The following CIC variants were observed in gnomAD, a reference collection of about 807,000 sequenced individuals.
CIC encodes capicua transcriptional repressor, also known as protein capicua homolog.
A neutral mutation model predicts 115.7 loss-of-function variants in CIC; 18 were observed. That is an observed-to-expected ratio of 0.16 (90% CI 0.11 to 0.23). The LOEUF is 0.23. Among genes scored for constraint, CIC ranks in the 10% least tolerant of loss-of-function variants. The pLI is 1.00. For synonymous variants in CIC, 1,076 were observed against 923.0 expected (o/e 1.17, Z -3.01); for missense variants, 2,000 against 2,159.3 (o/e 0.93, Z 1.46).
intron 2 of CIC, among the ~76,000 whole-genome samples, chr19:42,285,726 C>A (rs1038210767): frequency 3.9e-5 from 6 of 152,190 alleles, no homozygotes; most frequent in Middle Eastern, 3.2e-3. Flanking sequence ...GGTTCCACTT[C>A]CCCCAGGGAG....
intron 2 of CIC, among the ~76,000 whole-genome samples, chr19:42,285,854 G>A (rs1306066184): frequency 6.6e-6 from 1 of 152,226 alleles, no homozygotes; most frequent in Non-Finnish European, 1.5e-5. Flanking sequence ...GCTGAAGGTT[G>A]GACCCCTGGG....
At position 42,293,119 on chromosome 19, in the gene CIC, C is replaced by T; in HGVS notation, c.6360C>T (p.Gly2120=). Residue 2120 remains glycine (G), a synonymous_variant, in exon 16 of 21, where the codon GGC becomes GGT. Coordinates refer to ENST00000681038, the MANE Select transcript of CIC (RefSeq NM_001386298.1). ...CACCCCGGCAGCCTCTGGAGCCTGG[C>T]CCAGTCCGAGAGCCAACTGCCCCAG... The part of the protein sequence containing the change: ...GPAPRQPLEP[G]PVREPTAPES... 6.2e-7 allele frequency: 1 copy of T among 1,608,374 alleles called. No individual in the cohort carries two copies. Among genetic ancestry groups the T allele is most frequent in the Non-Finnish European group, 8.5e-7 (1 of 1,178,084 alleles).
intron 2 of CIC, among the ~76,000 whole-genome samples, chr19:42,279,248 A>G (rs1249368194): frequency 2.6e-5 from 4 of 152,130 alleles, no homozygotes; most frequent in Non-Finnish European, 5.9e-5. Context: ...AGTGAACCCT[A>G]TCTCCACCAG....
At chr19:42,271,191 A>G (rs1195341317) in intron 1 of CIC, among the ~76,000 whole-genome samples, 2 of 152,214 alleles carry the variant, frequency 1.3e-5, no homozygotes, top group African/African-American at 4.8e-5. Context: ...GCATGGTGAC[A>G]GTGCGAGTAA....
Position 42,294,981 on chromosome 19 carries a change from C to A in CIC, c.7344C>A (p.Pro2448=), listed in dbSNP as rs750816477. 3.8e-6 allele frequency: 6 copies of A among 1,599,352 alleles called. No homozygotes were observed. Among genetic ancestry groups the A allele is most frequent in the Non-Finnish European group, 5.1e-6 (6 of 1,179,614 alleles). Residue 2448 remains proline, a synonymous_variant, in exon 21 of 21, where the codon CCC becomes CCA. Transcript: ENST00000681038. ...PGAEAPLPVP[P]PTGTAAAPAP... is the part of the protein sequence containing the mutation. ...CTGAGGCTCCTCTCCCTGTACCGCC[C>A]CCCACTGGCACCGCTGCTGCCCCTG... is the stretch of plus-strand genomic sequence containing the variant.
chr19:42,290,718 C>T lies in CIC; in HGVS notation c.4677C>T (p.Ala1559=), dbSNP rs546141825. The change falls in exon 11 of 21, where the codon GCC becomes GCT. Residue 1559 remains alanine, a synonymous_variant. Coordinates refer to ENST00000681038, the MANE Select transcript of CIC (RefSeq NM_001386298.1). ...GCGGCGGAGCCAGAGTGCCCTCCGCCCCCGCCCCATCACTGGCCTATGGGG... is the reference window on the plus strand; with the variant it reads ...GCGGCGGAGCCAGAGTGCCCTCCGCTCCCGCCCCATCACTGGCCTATGGGG... ...QEGGGARVPS[A]PAPSLAYGAP... is the part of the protein sequence containing the mutation. 7 of 1,612,632 alleles carry T rather than the reference C, an allele frequency of 4.3e-6. No individual in the cohort carries two copies. The African/African-American group carries it at 8.0e-5, about 18-fold the overall frequency.
intron 2 of CIC, among the ~76,000 whole-genome samples, chr19:42,281,149 T>G (rs1599868389): frequency 2.1e-5 from 3 of 140,334 alleles, no homozygotes; most frequent in African/African-American, 5.2e-5. Flanking sequence ...GGTGGGTGGG[T>G]GTGTATGTGG....
chr19:42,291,906 G>T (rs1446727510), intron 12 of CIC, among the ~76,000 whole-genome samples, 161 bp downstream of exon 12: 12 of 152,084 alleles, frequency 7.9e-5, no homozygotes, highest in Admixed American at 7.2e-4. Context: ...CAAGTCCTCA[G>T]TGTCTGTACC....
At chr19:42,294,400 A>G (rs1172122841) in intron 19 of CIC, 96 bp downstream of exon 19, 1 of 1,586,722 alleles carries the variant, frequency 6.3e-7, no homozygotes, top group Non-Finnish European at 8.6e-7. Flanking sequence ...GGGTGGGTCC[A>G]TCCAGGCTGG....
intron 2 of CIC, among the ~76,000 whole-genome samples, chr19:42,285,173 G>C (rs1047367867): frequency 1.1e-4 from 16 of 152,122 alleles, no homozygotes; most frequent in Non-Finnish European, 1.9e-4. Context: ...TGAGATCAGA[G>C]TGACAGGCTG....
intron 16 of CIC, 36 bp from the exon 17 acceptor site, chr19:42,293,555 TC>T (rs766354481): frequency 6.2e-7 from 1 of 1,613,460 alleles, no homozygotes; most frequent in South Asian, 1.1e-5. Flanking sequence ...GAGTCTGAGC[TC>T]AGTGTTCGCC....
At chr19:42,271,523 C>G (rs1203745070) in intron 1 of CIC, among the ~76,000 whole-genome samples, 1 of 152,178 alleles carries the variant, frequency 6.6e-6, no homozygotes, top group African/African-American at 2.4e-5. Context: ...AGCATGTGCT[C>G]TGTGTCCTTT....
In CIC at chr19:42,273,938, T is replaced by C. The variant is rs983424322; in HGVS notation, c.2155T>C (p.Leu719=). 2.5e-6 allele frequency: 1 copy of C among 398,516 alleles called. No individual in the cohort carries two copies. The highest frequency in any genetic ancestry group is 4.4e-6 in the Non-Finnish European group (1 of 226,088). The allele number at this position is 398,516 out of a possible 1,614,324, so 24.7% of individuals were successfully genotyped here. ...ISPGRRKTEL[L]PHPGALGAPG... ...CCCTGGGCGACGGAAGACAGAGCTG[T>C]TGCCGCATCCAGGGGCCTTGGGGGC... is the stretch of plus-strand genomic sequence containing the variant. The change falls in exon 2 of 21, where the codon TTG becomes CTG. Residue 719 remains leucine (L), a synonymous_variant. Transcript: ENST00000681038.
intron 2 of CIC, chr19:42,283,917 G>GGCGCGGCGGGGCCTGACCCGC (rs909095298): frequency 1.3e-5 from 2 of 151,342 alleles, no homozygotes; most frequent in Non-Finnish European, 3.0e-5. Context: ...AATGGGGGCG[G>GGCGCGGCGGGGCCTGACCCGC]GCGCGGCGGG....
Position 42,292,986 on chromosome 19 carries a change from C to T in CIC, c.6227C>T (p.Pro2076Leu), listed in dbSNP as rs1305573678. 3 of 1,613,606 alleles carry T rather than the reference C, an allele frequency of 1.9e-6. No homozygotes were observed. Among genetic ancestry groups the T allele is most frequent in the Non-Finnish European group, 2.5e-6 (3 of 1,180,016 alleles). The change falls in exon 16 of 21, where the codon CCC (proline) becomes CTC (leucine). Residue 2076 changes from proline (P) to leucine (L), a missense_variant. By Grantham distance (98) the Pro-to-Leu change is moderately conservative. Coordinates refer to ENST00000681038, the MANE Select transcript of CIC (RefSeq NM_001386298.1). Reference protein sequence around the residue: ...AGSMTYSLVAPKAQRPSPKAP... With the variant: ...AGSMTYSLVALKAQRPSPKAP... ...TCCATGACCTACAGCTTAGTGGCCC[C>T]CAAGGCCCAGCGGCCCAGCCCGAAG...
chr19:42,269,271 T>TA lies in CIC; in HGVS notation c.-111dup, dbSNP rs919948486. 16 of 111,750 alleles carry TA rather than the reference T, an allele frequency of 1.4e-4. No individual in the cohort carries two copies. The highest frequency in any genetic ancestry group is 3.0e-4 in the South Asian group (1 of 3,300). The allele number at this position is 111,750 out of a possible 1,614,324, so 6.9% of individuals were successfully genotyped here. ...CCATTCACCATTTTGTGTGTTGGAG[T>TA]AAAAAAAAAAGGGAGAATCGAGAGG... is the stretch of plus-strand genomic sequence containing the variant. On this transcript the variant is annotated 5_prime_UTR_variant, in exon 1 of 21. Coordinates refer to ENST00000681038, the MANE Select transcript of CIC (RefSeq NM_001386298.1).
chr19:42,287,193 A>G lies in CIC; in HGVS notation c.3132A>G (p.Pro1044=), dbSNP rs927608260. 5.6e-6 allele frequency: 9 copies of G among 1,613,468 alleles called. No homozygotes were observed. The Middle Eastern group carries it at 5.0e-4, about 89-fold the overall frequency. Residue 1044 remains proline, a synonymous_variant, in exon 4 of 21, where the codon CCA becomes CCG. Transcript: ENST00000681038. This position sits in a 1 kb window ranked among gnomAD's most constrained non-coding sequence, Gnocchi z 8.7. ...CGGAGGAGGAGGCCTCCGGCCCCCC[A>G]GGAGAGCCCCGGCTGGACAGTGAGA... is the stretch of plus-strand genomic sequence containing the variant. ...PTTEEEASGP[P]GEPRLDSETE... is the part of the protein sequence containing the mutation.
Position 42,295,360 on chromosome 19 carries a change from C to G in CIC, c.*169C>G, listed in dbSNP as rs2038444215. 1 of 636,950 alleles carries G rather than the reference C, an allele frequency of 1.6e-6. No homozygotes were observed. The highest frequency in any genetic ancestry group is 4.1e-4 in the Middle Eastern group (1 of 2,438). 39.5% of individuals were successfully genotyped at this position (636,950 alleles called of 1,614,324 possible). On this transcript the variant is annotated 3_prime_UTR_variant, in exon 21 of 21. Transcript: ENST00000681038. Reference sequence around the variant, plus strand: ...TACCCCCTTCCCTCGAAGCTCCCTCCCGGTGCTGGGGGGCAGCTGAGGGGC... The same window carrying G: ...TACCCCCTTCCCTCGAAGCTCCCTCGCGGTGCTGGGGGGCAGCTGAGGGGC...
Position 42,292,610 on chromosome 19 carries a change from C to G in CIC, c.5947C>G (p.Pro1983Ala). 3 of 1,613,494 alleles carry G rather than the reference C, an allele frequency of 1.9e-6. No homozygotes were observed. The highest frequency in any genetic ancestry group is 2.5e-6 in the Non-Finnish European group (3 of 1,179,934). ...GGCTCCCGGTCAGGTGGGCGTGTCA[C>G]CTGTGCCCAGTCCCCAGCTGCCGCC... The part of the protein sequence containing the change: ...LLAPGQVGVS[P>A]VPSPQLPPAC... Residue 1983 changes from proline (P) to alanine (A), a missense_variant, in exon 15 of 21, where the codon CCT (proline) becomes GCT (alanine). Around this residue, in one of 8 missense-constraint regions of CIC, gnomAD observed 1,466 missense variants for 1,390.4 expected, o/e 1.05. Transcript: ENST00000681038.
Sources: gnomAD v4.1 joint callset for allele counts (sites outside exome capture counted in the v4.1 genomes callset) on GRCh38, gnomAD v4.1.1 for gene constraint, gnomAD v4.1.1 regional missense constraint, Gnocchi (gnomAD v3.1) non-coding constraint, MANE v1.5 for transcripts, NCBI Gene and HGNC (gene_info 2026-07-23, HGNC 2026-07-21) for gene names.